Variants in CNOT4 observed in about 807,000 individuals in gnomAD.
The protein encoded by CNOT4 is CCR4-associated factor 4.
In CNOT4, 8 loss-of-function variants were observed where a neutral mutation model predicts 73.8. The observed-to-expected ratio is 0.11, with a 90% CI of 0.06 to 0.20. The LOEUF (loss-of-function observed/expected upper bound fraction) is 0.20. CNOT4 is among the 10% of genes least tolerant of loss of function. CNOT4 has a pLI of 1.00. For missense variants in CNOT4, 564 were observed against 883.4 expected (o/e 0.64, Z 4.58); for synonymous variants, 293 against 321.1 (o/e 0.91, Z 0.94).
chr7:135,438,414 C>CT lies in CNOT4; in HGVS notation c.-84dup, dbSNP rs566431418. The CT allele has an allele frequency of 1.5e-4, 168 of 1,088,420 alleles. 4 individuals are homozygous for CT. The South Asian group carries it at 3.1e-3, about 20-fold the overall frequency. The allele number at this position is 1,088,420 out of a possible 1,614,324, so 67.4% of individuals were successfully genotyped here. On this transcript the variant is annotated 5_prime_UTR_variant, in exon 2 of 12. Transcript: ENST00000541284. ...CAGCACTGAAAGCTAAAATGTAGGA[C>CT]TTTGACGACCTGCATGAGAAGAAAC...
At chr7:135,434,134 C>A (rs1799015224) in intron 2 of CNOT4, among the ~76,000 whole-genome samples, 1 of 152,168 alleles carries the variant, frequency 6.6e-6, no homozygotes, top group African/African-American at 2.4e-5. Flanking sequence ...CCTCTGTAGA[C>A]CCTGTGCCTG....
rs768870461 is a variant in CNOT4 at position 135,414,337 on chromosome 7, T to C, written c.555A>G (p.Thr185=). Residue 185 remains threonine (T), a synonymous_variant, in exon 5 of 12, where the codon ACA becomes ACG. Coordinates refer to ENST00000541284, the MANE Select transcript of CNOT4 (RefSeq NM_001190850.2). ...CVNNVVVDGR[T]LKASLGTTKY... is the part of the protein sequence containing the mutation. ...ATCAAGAGGACTATATTACCTTAAG[T>C]GTTCTGCCATCTACTACCACATTGT... The C allele has an allele frequency of 1.6e-6, 2 of 1,235,442 alleles. No homozygotes were observed. Among genetic ancestry groups the C allele is most frequent in the Non-Finnish European group, 2.4e-6 (2 of 844,138 alleles). The allele number at this position is 1,235,442 out of a possible 1,614,324, so 76.5% of individuals were successfully genotyped here.
chr7:135,402,820 C>T (rs1161191142), intron 7 of CNOT4, among the ~76,000 whole-genome samples: 1 of 152,214 alleles, frequency 6.6e-6, no homozygotes. Flanking sequence ...TTGATTTCTT[C>T]TAACTTGCTC....
At chr7:135,423,471 T>TAA (rs57293861) in intron 2 of CNOT4, among the ~76,000 whole-genome samples, 25 of 140,152 alleles carry the variant, frequency 1.8e-4, no homozygotes, top group African/African-American at 5.7e-4. Flanking sequence ...ATATAAGCGT[T>TAA]AAAAAAAAAA....
intron 1 of CNOT4, among the ~76,000 whole-genome samples, chr7:135,450,579 C>A (rs111522774): frequency 0.074 from 11,266 of 152,196 alleles, 496 homozygotes; most frequent in Middle Eastern, 0.12. Flanking sequence ...TTCTCAAACT[C>A]CTGGCCTCAA....
At chr7:135,413,378 T>C (rs1797682496) in intron 6 of CNOT4, 110 bp downstream of exon 6, 1 of 1,234,466 alleles carries the variant, frequency 8.1e-7, no homozygotes, top group Non-Finnish European at 1.2e-6. Context: ...TTTAAAGTAA[T>C]ATCAGTTTTT....
chr7:135,417,900 G>T (rs2129484330), intron 3 of CNOT4, among the ~76,000 whole-genome samples: 1 of 152,272 alleles, frequency 6.6e-6, no homozygotes, highest in Middle Eastern at 3.4e-3. Flanking sequence ...CAGCAGAGGG[G>T]TACGTACCTC....
At chr7:135,414,485 TA>T in intron 4 of CNOT4, 53 bp from the exon 5 acceptor site, 1 of 816,934 alleles carries the variant, frequency 1.2e-6, no homozygotes, top group South Asian at 1.5e-5. Flanking sequence ...TAAACAATAC[TA>T]AAAAAATTCT....
intron 1 of CNOT4, among the ~76,000 whole-genome samples, chr7:135,483,917 G>A (rs559922981): frequency 2.8e-4 from 42 of 152,308 alleles, no homozygotes; most frequent in African/African-American, 7.2e-4. Flanking sequence ...TAGGCCAGGC[G>A]TGGTGGCCCA....
intron 2 of CNOT4, among the ~76,000 whole-genome samples, chr7:135,423,596 A>T (rs934342863): frequency 3.3e-5 from 5 of 152,018 alleles, no homozygotes; most frequent in African/African-American, 1.2e-4. Context: ...GTCTCCAAGA[A>T]CCCTATTCTT....
At chr7:135,438,114 T>G (rs751754193) in intron 2 of CNOT4, 44 bp downstream of exon 2, 1 of 1,128,126 alleles carries the variant, frequency 8.9e-7, no homozygotes, top group Admixed American at 1.9e-5. Flanking sequence ...CAAAAAACTA[T>G]ACAATTAAAA....
chr7:135,453,218 G>A (rs545460323), intron 1 of CNOT4, among the ~76,000 whole-genome samples: 80 of 152,150 alleles, frequency 5.3e-4, no homozygotes, highest in African/African-American at 1.8e-3. Flanking sequence ...GGATAAAACA[G>A]AAAAAATTAA....
intron 1 of CNOT4, among the ~76,000 whole-genome samples, chr7:135,479,769 G>A (rs898969399): frequency 2.0e-5 from 3 of 151,588 alleles, no homozygotes; most frequent in African/African-American, 7.3e-5. Context: ...TGGTACCTGT[G>A]GTCCCAGCTA....
intron 1 of CNOT4, among the ~76,000 whole-genome samples, chr7:135,464,885 T>C (rs973903737): frequency 6.6e-6 from 1 of 152,132 alleles, no homozygotes; most frequent in Admixed American, 6.5e-5. Context: ...TAGTGTTTAG[T>C]AATGACCAGA....
At chr7:135,423,058 A>G (rs1047352681) in intron 2 of CNOT4, among the ~76,000 whole-genome samples, 3 of 152,206 alleles carry the variant, frequency 2.0e-5, no homozygotes, top group African/African-American at 7.2e-5. Flanking sequence ...AATGGAAACT[A>G]CAGTACTTTA....
At chr7:135,464,029 A>AAAAAAC (rs1801062060) in intron 1 of CNOT4, among the ~76,000 whole-genome samples, 1 of 151,440 alleles carries the variant, frequency 6.6e-6, no homozygotes, top group Non-Finnish European at 1.5e-5. Flanking sequence ...AAAGTCAAAA[A>AAAAAAC]AAAAAAAAAA....
intron 1 of CNOT4, among the ~76,000 whole-genome samples, chr7:135,475,458 AT>A (rs1801928359): frequency 6.6e-6 from 1 of 152,196 alleles, no homozygotes; most frequent in Non-Finnish European, 1.5e-5. Flanking sequence ...GGTTAAAAAA[AT>A]TTTTAATTAA....
chr7:135,443,359 A>C (rs974235733), intron 1 of CNOT4, among the ~76,000 whole-genome samples: 3 of 151,958 alleles, frequency 2.0e-5, no homozygotes, highest in Non-Finnish European at 2.9e-5. Context: ...TGTCACAAAA[A>C]AAAAAAAAAG....
At chr7:135,502,076 T>C (rs529278582) in intron 1 of CNOT4, among the ~76,000 whole-genome samples, 3 of 152,292 alleles carry the variant, frequency 2.0e-5, no homozygotes, top group East Asian at 1.9e-4. Flanking sequence ...TGGGATGACA[T>C]AGCATGACGG....
Sources: gnomAD v4.1 joint callset for allele counts (sites outside exome capture counted in the v4.1 genomes callset) on GRCh38, gnomAD v4.1.1 for gene constraint, MANE v1.5 for transcripts, NCBI Gene and HGNC (gene_info 2026-07-23, HGNC 2026-07-21) for gene names.